Variants in SNRNP48 observed in about 807,000 individuals in gnomAD.
SNRNP48 encodes small nuclear ribonucleoprotein U11/U12 subunit 48.
A neutral mutation model predicts 47.0 loss-of-function variants in SNRNP48; 43 were observed. The ratio of observed to expected loss-of-function variants is 0.92; its 90% CI spans 0.72 to 1.18. The LOEUF (loss-of-function observed/expected upper bound fraction) is 1.18. Ranked by LOEUF, SNRNP48 falls within the 50% of genes most tolerant of loss-of-function variation. The probability of loss-of-function intolerance (pLI) is 0.00; values close to 1 mark genes in which losing one functional copy is unlikely to be tolerated. For synonymous variants in SNRNP48, 138 were observed against 144.0 expected (o/e 0.96, Z 0.30); for missense variants, 396 against 422.2 (o/e 0.94, Z 0.54).
At chr6:7,601,148 G>A (rs539300532) in intron 4 of SNRNP48, 188 bp from the exon 5 acceptor site, 1 of 450,216 alleles carries the variant, frequency 2.2e-6, no homozygotes, top group South Asian at 4.2e-5. Context: ...TTTTTTTGTG[G>A]ATATAACATT....
intron 6 of SNRNP48, 89 bp from the exon 7 acceptor site, chr6:7,605,309 T>A: frequency 1.0e-6 from 1 of 997,482 alleles, no homozygotes; most frequent in Non-Finnish European, 1.6e-6. Context: ...TAGTAAATAT[T>A]TGATTGTTAG....
At chr6:7,596,370 T>TTGTC (rs779918034) in intron 4 of SNRNP48, among the ~76,000 whole-genome samples, 9 of 152,342 alleles carry the variant, frequency 5.9e-5, no homozygotes, top group Admixed American at 2.6e-4. Flanking sequence ...CTTGTAAGGA[T>TTGTC]TTCTGCATTG....
intron 6 of SNRNP48, among the ~76,000 whole-genome samples, chr6:7,603,351 A>G (rs1760066376): frequency 6.6e-6 from 1 of 152,014 alleles, no homozygotes; most frequent in Admixed American, 6.6e-5. Flanking sequence ...GGCTCGTTAG[A>G]GTTGATGAAT....
At chr6:7,593,141 TTCAG>T (rs1759847952) in intron 1 of SNRNP48, among the ~76,000 whole-genome samples, 1 of 152,124 alleles carries the variant, frequency 6.6e-6, no homozygotes, top group Admixed American at 6.6e-5. Context: ...TTTGAGATCT[TTCAG>T]TAAGCATATA....
At chr6:7,593,011 A>G (rs1759845922) in intron 1 of SNRNP48, among the ~76,000 whole-genome samples, 1 of 152,136 alleles carries the variant, frequency 6.6e-6, no homozygotes, top group East Asian at 1.9e-4. Flanking sequence ...GATGATGAAT[A>G]TAATTAATTT....
chr6:7,601,506 G>T lies in SNRNP48; in HGVS notation c.577G>T (p.Ala193Ser). 6.3e-7 allele frequency: 1 copy of T among 1,576,934 alleles called. No individual in the cohort carries two copies. Among genetic ancestry groups the T allele is most frequent in the South Asian group, 1.2e-5 (1 of 84,380 alleles). The stretch of plus-strand genomic sequence containing the variant: ...TGACAGCGATCTCTTTGTAGACTTG[G>T]CTGCCAAAATCAATCAAGGTTTGAG... Reference protein sequence around the residue: ...ENDSDLFVDLAAKINQDNSRK... With the variant: ...ENDSDLFVDLSAKINQDNSRK... Residue 193 changes from alanine to serine, a missense_variant, in exon 5 of 9, where the codon GCT becomes TCT. Ala to Ser is a moderately conservative substitution (Grantham distance 99). Coordinates refer to ENST00000342415, the MANE Select transcript of SNRNP48 (RefSeq NM_152551.4).
chr6:7,593,780 AATC>A lies in SNRNP48; in HGVS notation c.207_209del (p.Ser70del), dbSNP rs755913630. 8.1e-6 allele frequency: 13 copies of A among 1,601,126 alleles called. No individual in the cohort carries two copies. Among genetic ancestry groups the A allele is most frequent in the African/African-American group, 4.0e-5 (3 of 74,574 alleles). ...TACGATTCCAATCATCACATGCCTAAATCATCTTTGGCAAAGCACATGGCATCT... is the reference window on the plus strand; with the variant it reads ...TACGATTCCAATCATCACATGCCTAAATCTTTGGCAAAGCACATGGCATCT... On this transcript the variant is annotated inframe_deletion, in exon 2 of 9. Coordinates refer to ENST00000342415, the MANE Select transcript of SNRNP48 (RefSeq NM_152551.4).
At chr6:7,598,184 A>C (rs1393544079) in intron 4 of SNRNP48, among the ~76,000 whole-genome samples, 1 of 150,024 alleles carries the variant, frequency 6.7e-6, no homozygotes, top group African/African-American at 2.4e-5. Context: ...ACTTTATATG[A>C]TCTTCAACCT....
rs1450575065 is a variant in SNRNP48 at position 7,590,834 on chromosome 6, C to CG, written c.156+424dup. ...CTCTACCAAAAGTACAAAAATTAGCCGGGTGTGGTGGTGTGAGCCTGTGGC... is the reference window on the plus strand; with the variant it reads ...CTCTACCAAAAGTACAAAAATTAGCCGGGGTGTGGTGGTGTGAGCCTGTGGC... On this transcript the variant is annotated intron_variant, in intron 1 of 8. Transcript: ENST00000342415. Among the ~76,000 whole-genome samples, 10 of 152,176 alleles carry CG rather than the reference C, an allele frequency of 6.6e-5. 1 individual carries two copies. Among genetic ancestry groups the CG allele is most frequent in the Middle Eastern group, 3.4e-3 (1 of 294 alleles).
intron 4 of SNRNP48, chr6:7,600,124 A>C (rs1332896450): frequency 2.0e-6 from 2 of 992,962 alleles, no homozygotes; most frequent in African/African-American, 3.5e-5. Context: ...CTTGAAAGGG[A>C]ACCCTTTTTT....
intron 4 of SNRNP48, among the ~76,000 whole-genome samples, chr6:7,599,212 C>T (rs1561713082): frequency 6.6e-6 from 1 of 152,138 alleles, no homozygotes; most frequent in East Asian, 1.9e-4. Context: ...ACAACACCTA[C>T]TAGTACTATT....
chr6:7,598,845 A>T (rs1581836232), intron 4 of SNRNP48, among the ~76,000 whole-genome samples: 1 of 152,348 alleles, frequency 6.6e-6, no homozygotes, highest in East Asian at 1.9e-4. Context: ...TATTCAATCT[A>T]TATACTTATT....
chr6:7,599,685 G>C, intron 4 of SNRNP48: 6 of 1,284,010 alleles, frequency 4.7e-6, no homozygotes, highest in Non-Finnish European at 6.1e-6. Flanking sequence ...ATTGGGGTGA[G>C]TATAAAGAGG....
At chr6:7,605,523 T>G (rs760582899) in intron 7 of SNRNP48, 37 bp downstream of exon 7, 2 of 1,548,102 alleles carry the variant, frequency 1.3e-6, no homozygotes, top group Admixed American at 3.4e-5. Context: ...ATACTCTCTC[T>G]TTGATAACAG....
Position 7,609,025 on chromosome 6 carries a change from C to A in SNRNP48, c.*152C>A. ...TGATCTGTTTAGTGCTTATTATTTTCCAGTAAATATGCTTCAAACCATGAG... is the reference window on the plus strand; with the variant it reads ...TGATCTGTTTAGTGCTTATTATTTTACAGTAAATATGCTTCAAACCATGAG... On this transcript the variant is annotated 3_prime_UTR_variant, in exon 9 of 9. Coordinates refer to ENST00000342415, the MANE Select transcript of SNRNP48 (RefSeq NM_152551.4). 2.7e-6 allele frequency: 1 copy of A among 376,748 alleles called. No homozygotes were observed. Among genetic ancestry groups the A allele is most frequent in the Non-Finnish European group, 4.8e-6 (1 of 206,238 alleles). 23.3% of individuals were successfully genotyped at this position (376,748 alleles called of 1,614,324 possible). A position where few individuals can be genotyped will look rare whatever the true frequency, so the allele number is the denominator to read the frequency against.
chr6:7,594,216 T>A, intron 3 of SNRNP48, 57 bp downstream of exon 3: 1 of 851,978 alleles, frequency 1.2e-6, no homozygotes, highest in Non-Finnish European at 1.7e-6. Context: ...TGATTTTTCA[T>A]TTTTGCATTA....
At chr6:7,595,846 A>G (rs1759895372) in intron 4 of SNRNP48, among the ~76,000 whole-genome samples, 1 of 152,214 alleles carries the variant, frequency 6.6e-6, no homozygotes, top group Non-Finnish European at 1.5e-5. Flanking sequence ...ATATTAATAG[A>G]TCCTTTCATG....
Position 7,602,745 on chromosome 6 carries a change from G to T in SNRNP48, c.717+1G>T. 2 of 1,550,510 alleles carry T rather than the reference G, an allele frequency of 1.3e-6. No homozygotes were observed. Among genetic ancestry groups the T allele is most frequent in the South Asian group, 1.2e-5 (1 of 80,134 alleles). ...CATAACCAAGAAATCATATACTGAGGTAAGTTTTACATAATCTTTGTTGAT... is the reference window on the plus strand; with the variant it reads ...CATAACCAAGAAATCATATACTGAGTTAAGTTTTACATAATCTTTGTTGAT... On this transcript the variant is annotated splice_donor_variant, in intron 6 of 8. Coordinates refer to ENST00000342415, the MANE Select transcript of SNRNP48 (RefSeq NM_152551.4). LOFTEE classifies it high-confidence loss of function.
chr6:7,600,185 T>G (rs139983040), intron 4 of SNRNP48: 1 of 988,810 alleles, frequency 1.0e-6, no homozygotes, highest in African/African-American at 1.7e-5. Context: ...TATATTGTTA[T>G]GTATAGCCGT....
Sources: allele counts gnomAD v4.1 joint callset (sites outside exome capture counted in the v4.1 genomes callset), GRCh38; gene constraint gnomAD v4.1.1; transcripts MANE v1.5; gene names NCBI Gene and HGNC (gene_info 2026-07-23, HGNC 2026-07-21).